SULF2: variants seen among roughly 807,000 people sequenced by gnomAD.
SULF2 encodes the protein sulfatase 2.
A neutral mutation model predicts 107.7 loss-of-function variants in SULF2; 52 were observed. The ratio of observed to expected loss-of-function variants is 0.48; its 90% CI spans 0.39 to 0.61. The LOEUF is 0.61. Ranked by LOEUF, SULF2 falls within the 20% of genes least tolerant of loss-of-function variation. SULF2 has a pLI of 0.00. For missense variants in SULF2, 993 were observed against 1,177.3 expected (o/e 0.84, Z 2.29); for synonymous variants, 460 against 464.3 (o/e 0.99, Z 0.12).
At chr20:47,693,775 C>A (rs139452827) in intron 4 of SULF2, among the ~76,000 whole-genome samples, 1 of 152,192 alleles carries the variant, frequency 6.6e-6, no homozygotes, top group African/African-American at 2.4e-5. Flanking sequence ...CAGGCCGGGG[C>A]AGGAATGAGA....
intron 13 of SULF2, 62 bp from the exon 14 acceptor site, chr20:47,665,355 C>T: frequency 1.8e-6 from 2 of 1,094,388 alleles, no homozygotes; most frequent in Non-Finnish European, 1.4e-6. Flanking sequence ...AAGACTTGGC[C>T]TGGTGACTGC....
chr20:47,779,032 A>G (rs2090774644), intron 1 of SULF2, among the ~76,000 whole-genome samples: 1 of 152,164 alleles, frequency 6.6e-6, no homozygotes, highest in South Asian at 2.1e-4. Context: ...CTCAAACCCA[A>G]CATTTCCACG....
Position 47,676,592 on chromosome 20 carries a change from C to T in SULF2, c.1282G>A (p.Val428Met), listed in dbSNP as rs1276192466. ...AGAAAGTTCTCCTCCTGGGCGTCCA[C>T]CTTGTCATTGTCTCTCTTGTGTAGC... ...KLLHKRDNDK[V>M]DAQEENFLPK... The change falls in exon 10 of 21, where the codon GTG (valine) becomes ATG (methionine). Residue 428 changes from valine to methionine, a missense_variant. Physicochemically the swap from Val to Met is conservative, Grantham distance 21. Coordinates refer to ENST00000688720, the MANE Select transcript of SULF2 (RefSeq NM_001387048.1). 1 of 1,560,294 alleles carries T rather than the reference C, an allele frequency of 6.4e-7. No homozygotes were observed. Among genetic ancestry groups the T allele is most frequent in the Non-Finnish European group, 8.7e-7 (1 of 1,151,800 alleles).
chr20:47,705,057 A>G (rs889886548), intron 3 of SULF2, among the ~76,000 whole-genome samples: 5 of 152,220 alleles, frequency 3.3e-5, no homozygotes, highest in African/African-American at 1.2e-4. Context: ...AAAACCCCTT[A>G]GGAACCCAAG....
At chr20:47,732,582 C>T (rs990690692) in intron 3 of SULF2, among the ~76,000 whole-genome samples, 5 of 152,214 alleles carry the variant, frequency 3.3e-5, no homozygotes, top group Admixed American at 2.0e-4. Flanking sequence ...TGGCTCACAC[C>T]TGTAATCCTA....
In SULF2 at chr20:47,677,149, G is replaced by A. The variant is rs1368450788; in HGVS notation, c.1194-15C>T. 6 of 1,613,406 alleles carry A rather than the reference G, an allele frequency of 3.7e-6. No homozygotes were observed. In the Admixed American group the frequency reaches 6.7e-5, roughly 18 times the overall value. ...TCAAGTGAAACCTGGAAAAAAGCACGGCTCCTGCTTCTCAGCAACATGAGG... is the reference window on the plus strand; with the variant it reads ...TCAAGTGAAACCTGGAAAAAAGCACAGCTCCTGCTTCTCAGCAACATGAGG... On this transcript the variant is annotated splice_polypyrimidine_tract_variant and intron_variant, in intron 8 of 20. Transcript: ENST00000688720.
At chr20:47,706,257 C>T (rs1051919893) in intron 3 of SULF2, among the ~76,000 whole-genome samples, 9 of 152,098 alleles carry the variant, frequency 5.9e-5, no homozygotes, top group Non-Finnish European at 8.8e-5. Context: ...ACCTTGACCC[C>T]CACCTCTAAC....
chr20:47,731,539 G>A (rs930293364), intron 3 of SULF2, among the ~76,000 whole-genome samples: 5 of 152,020 alleles, frequency 3.3e-5, no homozygotes, highest in Admixed American at 6.6e-5. Context: ...AGCTGCAGTC[G>A]GGGTTCCTGT....
intron 3 of SULF2, among the ~76,000 whole-genome samples, chr20:47,713,853 T>C (rs2089016631): frequency 6.6e-6 from 1 of 152,044 alleles, no homozygotes; most frequent in Admixed American, 6.6e-5. Context: ...GGATGAAAAC[T>C]TGGACCTCTG....
chr20:47,716,138 G>C (rs2089112830), intron 3 of SULF2, among the ~76,000 whole-genome samples: 1 of 152,196 alleles, frequency 6.6e-6, no homozygotes, highest in Non-Finnish European at 1.5e-5. Flanking sequence ...AGAGTCCTGT[G>C]TATGTTGGTT....
intron 3 of SULF2, among the ~76,000 whole-genome samples, chr20:47,713,247 T>C (rs1490261886): frequency 6.6e-6 from 1 of 152,064 alleles, no homozygotes; most frequent in African/African-American, 2.4e-5. Flanking sequence ...TTCACTGCTA[T>C]GACCTGGCGG....
At chr20:47,667,907 CT>C (rs1045420046) in intron 11 of SULF2, among the ~76,000 whole-genome samples, 8 of 152,194 alleles carry the variant, frequency 5.3e-5, no homozygotes, top group Non-Finnish European at 1.0e-4. Flanking sequence ...TGTTTTGTAT[CT>C]TTCAGTTCTC....
At chr20:47,775,230 G>A (rs1166544081) in intron 1 of SULF2, among the ~76,000 whole-genome samples, 1 of 152,196 alleles carries the variant, frequency 6.6e-6, no homozygotes, top group Non-Finnish European at 1.5e-5. Context: ...AGCCTTAAGA[G>A]ACCGTGGCAG....
chr20:47,662,984 C>T, intron 17 of SULF2, 86 bp downstream of exon 17: 2 of 1,525,816 alleles, frequency 1.3e-6, no homozygotes, highest in Non-Finnish European at 9.0e-7. Context: ...GACAATTTGT[C>T]ATCACTTCCC....
chr20:47,721,509 C>T (rs1462979407), intron 3 of SULF2, among the ~76,000 whole-genome samples: 1 of 152,160 alleles, frequency 6.6e-6, no homozygotes, highest in African/African-American at 2.4e-5. Flanking sequence ...CCTGGGACTA[C>T]AGGCATGCGC....
At chr20:47,707,812 T>G (rs1183621028) in intron 3 of SULF2, among the ~76,000 whole-genome samples, 1 of 152,230 alleles carries the variant, frequency 6.6e-6, no homozygotes. Context: ...TCTTATTACC[T>G]GCGTTTTTGT....
intron 4 of SULF2, among the ~76,000 whole-genome samples, chr20:47,693,522 GC>G (rs1308746037): frequency 6.6e-6 from 1 of 152,220 alleles, no homozygotes; most frequent in Non-Finnish European, 1.5e-5. Context: ...GGATTCTAAA[GC>G]AGTGAAAAAG....
chr20:47,740,573 G>T (rs888656231), intron 2 of SULF2, among the ~76,000 whole-genome samples: 6 of 152,144 alleles, frequency 3.9e-5, no homozygotes, highest in African/African-American at 7.2e-5. Flanking sequence ...GATTAATTGC[G>T]TGGCTTGGTT....
intron 3 of SULF2, among the ~76,000 whole-genome samples, chr20:47,730,544 G>T (rs2089568847): frequency 6.6e-6 from 1 of 151,990 alleles, no homozygotes; most frequent in Non-Finnish European, 1.5e-5. Context: ...TCCGCCTCCT[G>T]GGTTCAAGTG....
Sources: gnomAD v4.1 joint callset for allele counts (sites outside exome capture counted in the v4.1 genomes callset) on GRCh38, gnomAD v4.1.1 for gene constraint, MANE v1.5 for transcripts, NCBI Gene and HGNC (gene_info 2026-07-23, HGNC 2026-07-21) for gene names.